Variants in TJP2 observed in about 807,000 individuals in gnomAD.
TJP2 encodes the protein tight junction protein 2.
Under a neutral mutation model 133.1 loss-of-function variants are expected in TJP2, and 91 were observed. That is an observed-to-expected ratio of 0.68 (90% CI 0.58 to 0.81). TJP2 has a LOEUF of 0.81. Among genes scored for constraint, TJP2 ranks in the 40% least tolerant of loss-of-function variants. The pLI, the probability that TJP2 is intolerant of heterozygous loss-of-function variation, is 0.00. For synonymous variants in TJP2, 592 were observed against 583.4 expected, an observed-to-expected ratio of 1.01 and a Z score of -0.21; for missense variants, 1,541 against 1,565.6, an observed-to-expected ratio of 0.98 and a Z score of 0.26.
chr9:69,132,437 G>A (rs1822536501), intron 1 of TJP2, among the ~76,000 whole-genome samples: 1 of 152,192 alleles, frequency 6.6e-6, no homozygotes, highest in South Asian at 2.1e-4. Flanking sequence ...CCCTGAACTT[G>A]GAGAAGGGAT....
intron 9 of TJP2, among the ~76,000 whole-genome samples, chr9:69,228,604 A>G (rs1040822082): frequency 6.6e-6 from 1 of 152,256 alleles, no homozygotes; most frequent in Admixed American, 6.5e-5. Flanking sequence ...ATGTATGTAC[A>G]TGTATATGTG....
upstream of TJP2, among the ~76,000 whole-genome samples, chr9:69,171,567 G>C (rs1278094148): frequency 6.6e-6 from 1 of 151,778 alleles, no homozygotes; most frequent in Non-Finnish European, 1.5e-5. Context: ...AACTCATTCC[G>C]ACCTCTCCTT....
intron 12 of TJP2, among the ~76,000 whole-genome samples, chr9:69,235,099 G>A (rs976604723): frequency 8.5e-5 from 13 of 152,180 alleles, no homozygotes; most frequent in Non-Finnish European, 1.8e-4. Flanking sequence ...TAATTATGGA[G>A]ACTGGCAAGT....
chr9:69,158,327 CAAAAAAAAAAAA>C (rs1156502519), intron 2 of TJP2, among the ~76,000 whole-genome samples: 1 of 52,768 alleles, frequency 1.9e-5, no homozygotes, highest in Non-Finnish European at 3.2e-5. Flanking sequence ...GACTTTGCCT[CAAAAAAAAAAAA>C]AAAAAAAAAA....
At chr9:69,205,316 T>G (rs1563906673) in intron 1 of TJP2, 13 of 1,534,300 alleles carry the variant, frequency 8.5e-6, no homozygotes, top group Non-Finnish European at 1.1e-5. Flanking sequence ...ATTCTCACAG[T>G]GAGTCCTTTA....
At chr9:69,224,769 TTC>T (rs1444203838) in intron 5 of TJP2, among the ~76,000 whole-genome samples, 1 of 152,166 alleles carries the variant, frequency 6.6e-6, no homozygotes, top group African/African-American at 2.4e-5. Flanking sequence ...TTGCCACACT[TTC>T]TTTTTCCTCC....
At chr9:69,158,550 T>A (rs1372839615) in intron 2 of TJP2, among the ~76,000 whole-genome samples, 2 of 152,082 alleles carry the variant, frequency 1.3e-5, no homozygotes, top group Non-Finnish European at 2.9e-5. Flanking sequence ...AGCACTTCCC[T>A]TAGCTCTTCC....
chr9:69,145,724 C>G, intron 1 of TJP2: 1 of 1,231,850 alleles, frequency 8.1e-7, no homozygotes, highest in African/African-American at 1.6e-5. Flanking sequence ...AGAAATATAT[C>G]GGTATTCTGG....
intron 9 of TJP2, among the ~76,000 whole-genome samples, chr9:69,228,488 C>T (rs1023427469): frequency 6.6e-6 from 1 of 152,118 alleles, no homozygotes; most frequent in African/African-American, 2.4e-5. Flanking sequence ...CAGACTTGGA[C>T]GTGCACCCAC....
At chr9:69,249,587 A>T in intron 20 of TJP2, 102 bp downstream of exon 20, 1 of 1,545,396 alleles carries the variant, frequency 6.5e-7, no homozygotes, top group African/African-American at 1.4e-5. Flanking sequence ...ATGGTGTTTA[A>T]TTACGGTTCT....
At chr9:69,241,308 TGTG>T (rs907204212) in intron 17 of TJP2, among the ~76,000 whole-genome samples, 1 of 152,312 alleles carries the variant, frequency 6.6e-6, no homozygotes, top group African/African-American at 2.4e-5. Context: ...ACATAAATTT[TGTG>T]GTCATGCAGG....
At chr9:69,130,276 G>T (rs1217399532) in intron 1 of TJP2, among the ~76,000 whole-genome samples, 1 of 152,112 alleles carries the variant, frequency 6.6e-6, no homozygotes, top group Non-Finnish European at 1.5e-5. Context: ...CTTGTATTAT[G>T]GGGAAATGTT....
chr9:69,226,012 A>G lies in TJP2; in HGVS notation c.1057-10A>G, dbSNP rs777968917. ...ATTGCATTTAACATTACCATTTTTTATAAACACAGATCAATGGGACTGTAA... is the reference window on the plus strand; with the variant it reads ...ATTGCATTTAACATTACCATTTTTTGTAAACACAGATCAATGGGACTGTAA... On this transcript the variant is annotated splice_polypyrimidine_tract_variant and intron_variant, in intron 6 of 22. Transcript: ENST00000377245. 17 of 1,613,872 alleles carry G rather than the reference A, an allele frequency of 1.1e-5. No individual in the cohort carries two copies. The South Asian group carries it at 1.8e-4, about 17-fold the overall frequency.
chr9:69,203,692 C>G (rs1827180100), intron 1 of TJP2, among the ~76,000 whole-genome samples: 1 of 141,344 alleles, frequency 7.1e-6, no homozygotes, highest in African/African-American at 2.6e-5. Context: ...CAGGTCACTG[C>G]AACCTCCGCC....
chr9:69,204,844 G>A, intron 1 of TJP2: 10 of 1,109,538 alleles, frequency 9.0e-6, no homozygotes, highest in Non-Finnish European at 1.1e-5. Flanking sequence ...TGTCAACTTA[G>A]ATGCTGAATC....
chr9:69,239,880 T>A (rs935884578), intron 16 of TJP2, 57 bp from the exon 17 acceptor site: 4 of 1,341,538 alleles, frequency 3.0e-6, no homozygotes, highest in African/African-American at 2.9e-5. Flanking sequence ...AACAAAGTAT[T>A]TGATGCTATA....
chr9:69,218,210 G>T, intron 3 of TJP2, 47 bp from the exon 4 acceptor site: 1 of 1,396,964 alleles, frequency 7.2e-7, no homozygotes, highest in South Asian at 1.2e-5. Context: ...AATTTACAAT[G>T]AATAGATGGG....
rs747510389 is a variant in TJP2, at chr9:69,254,571, G to T, written c.*197G>T. On this transcript the variant is annotated 3_prime_UTR_variant, in exon 23 of 23. Coordinates refer to ENST00000377245, the MANE Select transcript of TJP2 (RefSeq NM_004817.4). Reference sequence around the variant, plus strand: ...CTGAGGGCTCTGTTTGTGGGACTGGGTTAGAGGAGTCTGTGGCTTTTTGTT... The same window carrying T: ...CTGAGGGCTCTGTTTGTGGGACTGGTTTAGAGGAGTCTGTGGCTTTTTGTT... 3.0e-6 allele frequency: 2 copies of T among 673,542 alleles called. No homozygotes were observed. The highest frequency in any genetic ancestry group is 5.2e-6 in the Non-Finnish European group (2 of 385,568). 41.7% of individuals were successfully genotyped at this position (673,542 alleles called of 1,614,324 possible). A position where few individuals can be genotyped will look rare whatever the true frequency, so the allele number is the denominator to read the frequency against.
At chr9:69,216,242 G>A (rs1451575116) in intron 2 of TJP2, 97 bp from the exon 3 acceptor site, 2 of 1,440,796 alleles carry the variant, frequency 1.4e-6, no homozygotes, top group Non-Finnish European at 9.6e-7. Flanking sequence ...AACAGTCTCT[G>A]GTTATTGATT....
Sources: allele counts gnomAD v4.1 joint callset (sites outside exome capture counted in the v4.1 genomes callset), GRCh38; gene constraint gnomAD v4.1.1; transcripts MANE v1.5; gene names NCBI Gene and HGNC (gene_info 2026-07-23, HGNC 2026-07-21).